Variants in KALRN observed in about 807,000 individuals in gnomAD.
KALRN encodes kalirin RhoGEF kinase.
In KALRN, 70 loss-of-function variants were observed where a neutral mutation model predicts 353.7. That is an observed-to-expected ratio of 0.20 (90% CI 0.16 to 0.24). The LOEUF is 0.24. Among genes scored for constraint, KALRN ranks in the 10% least tolerant of loss-of-function variants. KALRN has a pLI of 1.00. For synonymous variants in KALRN, 1,391 were observed against 1,434.8 expected (o/e 0.97, Z 0.69); for missense variants, 2,791 against 3,756.7 (o/e 0.74, Z 6.72).
intron 34 of KALRN, among the ~76,000 whole-genome samples, chr3:124,567,125 A>G (rs1020859697): frequency 2.6e-5 from 4 of 152,086 alleles, no homozygotes; most frequent in African/African-American, 9.7e-5. Context: ...CAATGCCCAG[A>G]CCCCACCTAG....
intron 51 of KALRN, among the ~76,000 whole-genome samples, chr3:124,692,628 G>A (rs991592656): frequency 6.6e-6 from 1 of 152,214 alleles, no homozygotes; most frequent in Admixed American, 6.5e-5. Flanking sequence ...CTTAGCAGAA[G>A]GAAGATGATT....
chr3:124,247,271 C>T (rs943572673), intron 3 of KALRN, among the ~76,000 whole-genome samples: 1 of 152,158 alleles, frequency 6.6e-6, no homozygotes, highest in Non-Finnish European at 1.5e-5. Context: ...TGGTTCTCTC[C>T]TCATTAAATC....
intron 33 of KALRN, among the ~76,000 whole-genome samples, chr3:124,562,526 C>T (rs77459022): frequency 0.026 from 3,939 of 152,156 alleles, 73 homozygotes; most frequent in Middle Eastern, 0.061. Flanking sequence ...TGAGCTCTAA[C>T]GAAGTAAGAG....
intron 1 of KALRN, among the ~76,000 whole-genome samples, chr3:124,179,487 T>C (rs956883009): frequency 2.0e-5 from 3 of 152,266 alleles, no homozygotes; most frequent in Admixed American, 1.3e-4. Flanking sequence ...CTGCTTAGAC[T>C]GTTTTACAGT....
intron 1 of KALRN, among the ~76,000 whole-genome samples, chr3:124,139,850 G>A (rs2066409265): frequency 6.6e-6 from 1 of 152,092 alleles, no homozygotes; most frequent in South Asian, 2.1e-4. Flanking sequence ...ATCTGAAAGG[G>A]CTTCCTGGTT....
At chr3:124,564,796 C>T (rs1038849080) in intron 34 of KALRN, among the ~76,000 whole-genome samples, 1 of 152,210 alleles carries the variant, frequency 6.6e-6, no homozygotes, top group South Asian at 2.1e-4. Flanking sequence ...TTCCAGGTGG[C>T]TCTGATGCAC....
chr3:124,040,710 T>A (rs755638505), intron 1 of KALRN, among the ~76,000 whole-genome samples: 12 of 152,242 alleles, frequency 7.9e-5, no homozygotes, highest in Non-Finnish European at 1.2e-4. Context: ...ATAAAGCTTG[T>A]TTCACAGGTT....
intron 14 of KALRN, among the ~76,000 whole-genome samples, chr3:124,417,852 A>G (rs7632785): frequency 0.42 from 64,501 of 152,060 alleles, 13,955 homozygotes; most frequent in East Asian, 0.66. Context: ...GGTTCAGTGA[A>G]GCTTGGCAAC....
chr3:124,339,482 G>T (rs1021363121), intron 9 of KALRN, among the ~76,000 whole-genome samples: 4 of 152,218 alleles, frequency 2.6e-5, no homozygotes, highest in Admixed American at 6.5e-5. Context: ...GACGCAAAAT[G>T]AGTTGCTGGT....
chr3:124,357,984 T>C (rs775455793), intron 10 of KALRN, among the ~76,000 whole-genome samples: 1 of 152,080 alleles, frequency 6.6e-6, no homozygotes, highest in Non-Finnish European at 1.5e-5. Flanking sequence ...GTAGATCAGA[T>C]GAATATTTAT....
At chr3:124,163,057 C>T (rs1309284984) in intron 1 of KALRN, 1 of 152,246 alleles carries the variant, frequency 6.6e-6, no homozygotes, top group African/African-American at 2.4e-5. Flanking sequence ...ATATTCACAA[C>T]ACTTACTTCA....
chr3:124,485,656 G>A (rs2062486136), intron 28 of KALRN, among the ~76,000 whole-genome samples: 1 of 152,184 alleles, frequency 6.6e-6, no homozygotes, highest in Admixed American at 6.5e-5. Context: ...AAGGCAGGTG[G>A]ATCACTTGAG....
At chr3:124,336,525 G>A (rs1183140606) in intron 9 of KALRN, among the ~76,000 whole-genome samples, 2 of 152,080 alleles carry the variant, frequency 1.3e-5, no homozygotes, top group African/African-American at 4.8e-5. Flanking sequence ...TATAGCTGTT[G>A]TCCTGGAGAG....
chr3:124,597,650 G>T (rs1469539078), intron 34 of KALRN, among the ~76,000 whole-genome samples: 2 of 152,158 alleles, frequency 1.3e-5, no homozygotes, highest in East Asian at 1.9e-4. Context: ...GGCCATTTGT[G>T]GCTACTGAGG....
At chr3:124,598,967 G>A (rs1475335805) in intron 34 of KALRN, among the ~76,000 whole-genome samples, 4 of 148,414 alleles carry the variant, frequency 2.7e-5, no homozygotes, top group Admixed American at 6.7e-5. Flanking sequence ...TAGCCACCAC[G>A]CCTGGCCTCA....
chr3:124,152,663 G>A (rs1578679721), intron 1 of KALRN: 1 of 567,966 alleles, frequency 1.8e-6, no homozygotes, highest in Non-Finnish European at 3.1e-6. Flanking sequence ...GTGCAATCGA[G>A]GCTCACTGCA....
chr3:124,307,059 A>G (rs2077770470), intron 6 of KALRN, among the ~76,000 whole-genome samples: 1 of 152,170 alleles, frequency 6.6e-6, no homozygotes, highest in Non-Finnish European at 1.5e-5. Context: ...ACACCAAAAG[A>G]CAAAGAGCAC....
chr3:124,639,010 A>C (rs995185605), intron 37 of KALRN, among the ~76,000 whole-genome samples: 7 of 152,202 alleles, frequency 4.6e-5, no homozygotes, highest in Admixed American at 4.6e-4. Context: ...ACACTTACCT[A>C]ATATTCTGAT....
chr3:124,562,707 C>T (rs1577999931), intron 33 of KALRN, 136 bp from the exon 34 acceptor site: 2 of 761,818 alleles, frequency 2.6e-6, no homozygotes, highest in Non-Finnish European at 1.8e-6. Flanking sequence ...ACCATTTTTC[C>T]TCTTTATTCC....
Sources: gnomAD v4.1 joint callset for allele counts (sites outside exome capture counted in the v4.1 genomes callset) on GRCh38, gnomAD v4.1.1 for gene constraint, MANE v1.5 for transcripts, NCBI Gene and HGNC (gene_info 2026-07-23, HGNC 2026-07-21) for gene names.